The following TBC1D12 variants were observed in gnomAD, a reference collection of about 807,000 sequenced individuals.
The protein encoded by TBC1D12 is TBC1 domain family member 12, also known as TBC1 domain family, member 12.
Under a neutral mutation model 86.7 loss-of-function variants are expected in TBC1D12, and 56 were observed. The observed-to-expected ratio is 0.65, with a 90% CI of 0.52 to 0.81. The LOEUF (loss-of-function observed/expected upper bound fraction) is 0.81. TBC1D12 is among the 30% of genes least tolerant of loss of function. The pLI is 0.00. For synonymous variants in TBC1D12, 421 were observed against 411.7 expected, an observed-to-expected ratio of 1.02 and a Z score of -0.27; for missense variants, 1,023 against 1,038.8, an observed-to-expected ratio of 0.98 and a Z score of 0.21.
At chr10:94,405,117 C>CTTT (rs1446719266) in intron 1 of TBC1D12, among the ~76,000 whole-genome samples, 3 of 148,616 alleles carry the variant, frequency 2.0e-5, no homozygotes, top group South Asian at 2.1e-4. Context: ...TCTTCTTCTT[C>CTTT]TTTTTTCTTA....
At chr10:94,521,826 G>A (rs1842161424) in intron 9 of TBC1D12, 129 bp from the exon 10 acceptor site, 2 of 806,746 alleles carry the variant, frequency 2.5e-6, no homozygotes, top group Admixed American at 6.8e-5. Flanking sequence ...CCTTTGCTGG[G>A]AAGGAAAAAA....
At chr10:94,414,579 T>C (rs1346869133) in intron 1 of TBC1D12, among the ~76,000 whole-genome samples, 5 of 150,772 alleles carry the variant, frequency 3.3e-5, no homozygotes, top group Non-Finnish European at 1.5e-5. Flanking sequence ...CAGTGGCTTC[T>C]CAATAGGCCA....
Position 94,510,108 on chromosome 10 carries a change from C to A in TBC1D12, c.1618C>A (p.Arg540=), listed in dbSNP as rs1035983136. Residue 540 remains arginine (R), a synonymous_variant, in exon 8 of 13, where the codon CGA becomes AGA. Transcript: ENST00000225235. The stretch of plus-strand genomic sequence containing the variant: ...AAATGCAGGTGTATCTGTTGCTGAT[C>A]GAGAGGCCAGTCTGGAATTAATTAA... ...NDTEGVSVAD[R]EASLELIKLD... 3.7e-6 allele frequency: 6 copies of A among 1,608,638 alleles called. No homozygotes were observed. The highest frequency in any genetic ancestry group is 5.1e-6 in the Non-Finnish European group (6 of 1,178,556).
At chr10:94,521,105 G>A (rs1285307514) in intron 9 of TBC1D12, among the ~76,000 whole-genome samples, 7 of 151,590 alleles carry the variant, frequency 4.6e-5, no homozygotes, top group African/African-American at 1.7e-4. Context: ...CAGCTACTCA[G>A]GAGGCTGAGG....
At chr10:94,526,669 T>C (rs988336900) in intron 11 of TBC1D12, among the ~76,000 whole-genome samples, 13 of 152,232 alleles carry the variant, frequency 8.5e-5, no homozygotes, top group African/African-American at 3.1e-4. Flanking sequence ...ATATCTTGGC[T>C]ATTGTGAATA....
rs564485387 is a variant in TBC1D12 at position 94,479,831 on chromosome 10, G to T, written c.1211+5048G>T. Among the ~76,000 whole-genome samples, 7 of 152,270 alleles carry T rather than the reference G, an allele frequency of 4.6e-5. No homozygotes were observed. In the South Asian group the frequency reaches 1.5e-3, roughly 32 times the overall value. On this transcript the variant is annotated intron_variant, in intron 3 of 12. Transcript: ENST00000225235. Reference sequence around the variant, plus strand: ...CACATAAGAGACTCCCCAAATAGTAGCCTAAATATGCAAGAATTTAAGTAT... The same window carrying T: ...CACATAAGAGACTCCCCAAATAGTATCCTAAATATGCAAGAATTTAAGTAT...
intron 2 of TBC1D12, among the ~76,000 whole-genome samples, chr10:94,446,811 G>A (rs937338665): frequency 6.6e-6 from 1 of 152,086 alleles, no homozygotes; most frequent in African/African-American, 2.4e-5. Context: ...GCTGGGTGCG[G>A]TGGCTCACAT....
chr10:94,525,223 G>C (rs1449243704), intron 11 of TBC1D12, among the ~76,000 whole-genome samples: 1 of 152,168 alleles, frequency 6.6e-6, no homozygotes, highest in Non-Finnish European at 1.5e-5. Flanking sequence ...CATCATTTTA[G>C]AGCTGAAGAA....
intron 2 of TBC1D12, 36 bp from the exon 3 acceptor site, chr10:94,474,632 C>T (rs373928045): frequency 1.4e-6 from 2 of 1,458,810 alleles, no homozygotes; most frequent in Middle Eastern, 1.7e-4. Flanking sequence ...TATGTTGGAG[C>T]AGTTTCTGCA....
intron 1 of TBC1D12, among the ~76,000 whole-genome samples, chr10:94,417,518 A>T (rs1470324230): frequency 6.6e-6 from 1 of 152,180 alleles, no homozygotes; most frequent in Non-Finnish European, 1.5e-5. Context: ...CAGAATAGCT[A>T]TTTGGCTACA....
Position 94,441,950 on chromosome 10 carries a change from T to G in TBC1D12, c.1026T>G (p.Pro342=), listed in dbSNP as rs1263400874. Residue 342 remains proline (P), a synonymous_variant, in exon 2 of 13, where the codon CCT becomes CCG. Transcript: ENST00000225235. ...TCAAATCAGTTGTCCATAGTGCTCC[T>G]GGTTGGAAATTATTTGGTAAAGTCC... ...KELKSVVHSA[P]GWKLFGKVPP... is the part of the protein sequence containing the mutation. The G allele has an allele frequency of 9.3e-6, 15 of 1,613,472 alleles. No individual in the cohort carries two copies. Among genetic ancestry groups the G allele is most frequent in the Non-Finnish European group, 1.2e-5 (14 of 1,179,702 alleles).
At chr10:94,503,451 T>C (rs918933832) in intron 6 of TBC1D12, among the ~76,000 whole-genome samples, 12 of 152,174 alleles carry the variant, frequency 7.9e-5, no homozygotes, top group Non-Finnish European at 1.6e-4. Flanking sequence ...TACAAAAATG[T>C]TCATTGCAGC....
At chr10:94,428,711 G>A (rs2055177797) in intron 1 of TBC1D12, among the ~76,000 whole-genome samples, 1 of 151,294 alleles carries the variant, frequency 6.6e-6, no homozygotes, top group Admixed American at 6.6e-5. Context: ...CATTTGTGTA[G>A]GTTCATTGAC....
intron 1 of TBC1D12, among the ~76,000 whole-genome samples, chr10:94,428,517 A>T (rs1170125304): frequency 6.6e-6 from 1 of 151,710 alleles, no homozygotes; most frequent in African/African-American, 2.4e-5. Flanking sequence ...CCAGTTCCTG[A>T]GGTCAAGTGA....
chr10:94,498,443 T>A (rs1327680366), intron 5 of TBC1D12, among the ~76,000 whole-genome samples: 1 of 152,040 alleles, frequency 6.6e-6, no homozygotes, highest in African/African-American at 2.4e-5. Flanking sequence ...GGGTGATTTG[T>A]TTTTTTGTTT....
intron 1 of TBC1D12, among the ~76,000 whole-genome samples, chr10:94,421,603 GAACTGCCA>G (rs987030150): frequency 1.3e-5 from 2 of 152,076 alleles, no homozygotes; most frequent in African/African-American, 4.8e-5. Flanking sequence ...ACTCATTGAG[GAACTGCCA>G]AACTGTTTTC....
At chr10:94,451,369 GTT>G (rs917106341) in intron 2 of TBC1D12, among the ~76,000 whole-genome samples, 1 of 152,072 alleles carries the variant, frequency 6.6e-6, no homozygotes, top group Non-Finnish European at 1.5e-5. Context: ...TTGAGGACAA[GTT>G]TATTAAGATT....
At chr10:94,447,846 T>C (rs74153353) in intron 2 of TBC1D12, among the ~76,000 whole-genome samples, 3,179 of 149,510 alleles carry the variant, frequency 0.021, 114 homozygotes, top group African/African-American at 0.073. Flanking sequence ...AAATGAACCA[T>C]GTTATATGTA....
At chr10:94,516,370 CAA>C (rs896617675) in intron 9 of TBC1D12, among the ~76,000 whole-genome samples, 36 of 151,932 alleles carry the variant, frequency 2.4e-4, no homozygotes, top group African/African-American at 8.2e-4. Flanking sequence ...AAAAACAAAA[CAA>C]ATTTATTTTT....
Sources: gnomAD v4.1 joint callset for allele counts (sites outside exome capture counted in the v4.1 genomes callset) on GRCh38, gnomAD v4.1.1 for gene constraint, MANE v1.5 for transcripts, NCBI Gene and HGNC (gene_info 2026-07-23, HGNC 2026-07-21) for gene names.